CTNNA2: variants seen among roughly 807,000 people sequenced by gnomAD.
The protein encoded by CTNNA2 is catenin alpha 2, also known as catenin alpha-2.
CTNNA2 carries 42 observed loss-of-function variants against 101.0 expected under a neutral mutation model. That is an observed-to-expected ratio of 0.42 (90% CI 0.32 to 0.54). CTNNA2 has a LOEUF of 0.54. Among genes scored for constraint, CTNNA2 ranks in the 20% least tolerant of loss-of-function variants. The pLI, the probability that CTNNA2 is intolerant of heterozygous loss-of-function variation, is 0.14. For missense variants in CTNNA2, 871 were observed against 1,223.1 expected, an observed-to-expected ratio of 0.71 and a Z score of 4.29; for synonymous variants, 450 against 456.4, an observed-to-expected ratio of 0.99 and a Z score of 0.18.
chr2:79,955,017 T>C (rs1044441635), intron 7 of CTNNA2, among the ~76,000 whole-genome samples: 7 of 152,196 alleles, frequency 4.6e-5, no homozygotes, highest in African/African-American at 1.7e-4. Flanking sequence ...TGCCTCAAAC[T>C]TAACATTAGT....
chr2:79,614,245 G>A (rs1161713101), intron 1 of CTNNA2, among the ~76,000 whole-genome samples: 1 of 152,014 alleles, frequency 6.6e-6, no homozygotes, highest in Admixed American at 6.6e-5. Context: ...AAAATATAAG[G>A]ATAACCTGAT....
chr2:80,375,326 A>G (rs1290215786), intron 7 of CTNNA2, among the ~76,000 whole-genome samples: 2 of 152,020 alleles, frequency 1.3e-5, no homozygotes, highest in Admixed American at 1.3e-4. Flanking sequence ...TGAGGAAGAG[A>G]GGGGGAAGGG....
chr2:79,246,914 G>A (rs538103288), intron 2 of CTNNA2, among the ~76,000 whole-genome samples: 2 of 152,374 alleles, frequency 1.3e-5, no homozygotes, highest in South Asian at 2.1e-4. Flanking sequence ...AGAGAGAAGA[G>A]TCCATAGTTG....
chr2:79,239,706 A>C (rs1558583494), intron 2 of CTNNA2, among the ~76,000 whole-genome samples: 1 of 152,332 alleles, frequency 6.6e-6, no homozygotes, highest in East Asian at 1.9e-4. Context: ...ACGGGATCTA[A>C]TTAAACTAAA....
intron 3 of CTNNA2, among the ~76,000 whole-genome samples, chr2:79,343,219 T>C (rs1573099825): frequency 1.3e-5 from 2 of 152,300 alleles, no homozygotes; most frequent in East Asian, 1.9e-4. Flanking sequence ...TTTAATGACA[T>C]AGGAAATTTA....
chr2:80,373,786 G>A (rs1391869555), intron 7 of CTNNA2, among the ~76,000 whole-genome samples: 1 of 152,140 alleles, frequency 6.6e-6, no homozygotes, highest in East Asian at 1.9e-4. Flanking sequence ...TCTAATTGTT[G>A]GATGAGATGC....
intron 7 of CTNNA2, among the ~76,000 whole-genome samples, chr2:80,372,518 C>T (rs903275990): frequency 6.6e-6 from 1 of 151,802 alleles, no homozygotes; most frequent in Non-Finnish European, 1.5e-5. Context: ...ACTCTTTGGC[C>T]CTTGAACATG....
chr2:80,280,695 TAAAC>T (rs1347620475), intron 7 of CTNNA2, among the ~76,000 whole-genome samples: 2 of 152,054 alleles, frequency 1.3e-5, no homozygotes, highest in East Asian at 1.9e-4. Flanking sequence ...ATTCCAGAAA[TAAAC>T]AACGCATAAG....
intron 3 of CTNNA2, among the ~76,000 whole-genome samples, chr2:79,848,177 C>T (rs1373686127): frequency 6.6e-6 from 1 of 152,144 alleles, no homozygotes; most frequent in Non-Finnish European, 1.5e-5. Context: ...AGATAACTTA[C>T]AATAGGTTTT....
intron 7 of CTNNA2, among the ~76,000 whole-genome samples, chr2:80,009,596 A>G (rs1053323761): frequency 6.6e-6 from 1 of 152,186 alleles, no homozygotes; most frequent in Non-Finnish European, 1.5e-5. Context: ...TTTTAAATAT[A>G]TATTTAAAAG....
intron 2 of CTNNA2, among the ~76,000 whole-genome samples, chr2:79,218,280 C>T (rs913194587): frequency 1.3e-5 from 2 of 149,186 alleles, no homozygotes; most frequent in African/African-American, 5.0e-5. Context: ...AGCTTCCTTT[C>T]CTAAGCCAGG....
chr2:79,468,582 C>T (rs1269521554), intron 4 of CTNNA2, among the ~76,000 whole-genome samples: 2 of 152,188 alleles, frequency 1.3e-5, no homozygotes, highest in African/African-American at 2.4e-5. Flanking sequence ...ATATATTCTT[C>T]TCAGCACCAC....
At chr2:80,500,540 T>C (rs1054501548) in intron 9 of CTNNA2, among the ~76,000 whole-genome samples, 8 of 152,216 alleles carry the variant, frequency 5.3e-5, no homozygotes, top group African/African-American at 1.4e-4. Context: ...ACATAATACC[T>C]CAATGATCCA....
intron 18 of CTNNA2, among the ~76,000 whole-genome samples, chr2:80,646,037 A>G (rs1408311538): frequency 1.3e-5 from 2 of 152,156 alleles, no homozygotes; most frequent in African/African-American, 2.4e-5. Context: ...AAAGCAGCCA[A>G]AGGAACAGTA....
intron 8 of CTNNA2, among the ~76,000 whole-genome samples, chr2:80,416,738 T>A (rs1253794918): frequency 3.3e-5 from 5 of 152,062 alleles, no homozygotes; most frequent in African/African-American, 4.8e-5. Context: ...TTCCTAGATA[T>A]TTTAATTCTT....
intron 7 of CTNNA2, among the ~76,000 whole-genome samples, chr2:80,077,703 ATACT>A (rs1698854055): frequency 6.6e-6 from 1 of 152,182 alleles, no homozygotes; most frequent in Non-Finnish European, 1.5e-5. Context: ...AAAAGAATAT[ATACT>A]GTATTATTTT....
At chr2:80,351,380 G>A (rs1021265350) in intron 7 of CTNNA2, among the ~76,000 whole-genome samples, 6 of 152,072 alleles carry the variant, frequency 3.9e-5, no homozygotes, top group African/African-American at 1.4e-4. Flanking sequence ...ATTATTCCCT[G>A]CTGTGTCTGG....
At chr2:79,922,439 A>G (rs1686728462) in intron 7 of CTNNA2, among the ~76,000 whole-genome samples, 1 of 152,100 alleles carries the variant, frequency 6.6e-6, no homozygotes, top group African/African-American at 2.4e-5. Flanking sequence ...TCTTCCGTGT[A>G]TCTTATGGAT....
At chr2:80,417,604 A>T (rs749238433) in intron 8 of CTNNA2, among the ~76,000 whole-genome samples, 1 of 151,708 alleles carries the variant, frequency 6.6e-6, no homozygotes, top group South Asian at 2.1e-4. Flanking sequence ...TCTTTTATTT[A>T]TAATTCTTTC....
Sources: gnomAD v4.1 joint callset for allele counts (sites outside exome capture counted in the v4.1 genomes callset) on GRCh38, gnomAD v4.1.1 for gene constraint, MANE v1.5 for transcripts, NCBI Gene and HGNC (gene_info 2026-07-23, HGNC 2026-07-21) for gene names.